ALMS1: variants seen among roughly 807,000 people sequenced by gnomAD.
ALMS1 encodes ALMS1 centrosome and basal body associated protein, also known as centrosome-associated protein ALMS1.
Under a neutral mutation model 352.2 loss-of-function variants are expected in ALMS1, and 271 were observed. That is an observed-to-expected ratio of 0.77 (90% CI 0.70 to 0.85). ALMS1 has a LOEUF of 0.85. ALMS1 is among the 40% of genes least tolerant of loss of function. The probability of loss-of-function intolerance (pLI) is 0.00; values close to 1 mark genes in which losing one functional copy is unlikely to be tolerated. For synonymous variants in ALMS1, 1,865 were observed against 1,761.2 expected, an observed-to-expected ratio of 1.06 and a Z score of -1.48; for missense variants, 5,445 against 4,870.7, an observed-to-expected ratio of 1.12 and a Z score of -3.51.
chr2:73,590,986 C>CT (rs1030289518), intron 16 of ALMS1, among the ~76,000 whole-genome samples: 3 of 151,328 alleles, frequency 2.0e-5, no homozygotes, highest in Non-Finnish European at 4.4e-5. Context: ...CCTTTTTTTT[C>CT]TTTTTTAGAG....
chr2:73,575,651 G>A (rs572262507), intron 16 of ALMS1, among the ~76,000 whole-genome samples: 24 of 152,034 alleles, frequency 1.6e-4, no homozygotes, highest in African/African-American at 5.1e-4. Flanking sequence ...AAGTCATTTG[G>A]CCATTTTAAA....
chr2:73,595,456 G>A (rs768150784), intron 16 of ALMS1, among the ~76,000 whole-genome samples: 24 of 152,142 alleles, frequency 1.6e-4, no homozygotes, highest in African/African-American at 5.6e-4. Context: ...AGGTTCATCC[G>A]TGCTGTAGTA....
intron 7 of ALMS1, among the ~76,000 whole-genome samples, chr2:73,433,951 CCT>C (rs1388144909): frequency 2.0e-5 from 3 of 150,550 alleles, no homozygotes; most frequent in Non-Finnish European, 4.4e-5. Flanking sequence ...GTTACAATGC[CCT>C]CTCTTTCATT....
At chr2:73,512,276 G>A (rs969422943) in intron 10 of ALMS1, among the ~76,000 whole-genome samples, 3 of 152,000 alleles carry the variant, frequency 2.0e-5, no homozygotes, top group African/African-American at 7.2e-5. Flanking sequence ...GTAGAGATGG[G>A]GTTTCACCAT....
chr2:73,448,518 T>C lies in ALMS1; in HGVS notation c.1991T>C (p.Val664Ala). ...GAGCAGAAGACGGGAATACCTACAG[T>C]ATCCTCTACATCCCACTCACATGTA... is the stretch of plus-strand genomic sequence containing the variant. ...PVEQKTGIPTVSSTSHSHVED... is the reference protein window; with the variant it reads ...PVEQKTGIPTASSTSHSHVED... Residue 664 changes from valine (V) to alanine (A), a missense_variant, in exon 8 of 23, where the codon GTA (valine) becomes GCA (alanine). Physicochemically the swap from Val to Ala is moderately conservative, Grantham distance 64. Coordinates refer to ENST00000613296, the MANE Select transcript of ALMS1 (RefSeq NM_001378454.1). 6.2e-7 allele frequency: 1 copy of C among 1,613,892 alleles called. No homozygotes were observed.
At chr2:73,441,555 C>T (rs949456353) in intron 7 of ALMS1, among the ~76,000 whole-genome samples, 23 of 152,174 alleles carry the variant, frequency 1.5e-4, no homozygotes, top group Admixed American at 4.6e-4. Flanking sequence ...GGCCCACAGA[C>T]AGCAGGCTTT....
At chr2:73,587,485 A>T (rs1395403286) in intron 16 of ALMS1, among the ~76,000 whole-genome samples, 2 of 152,104 alleles carry the variant, frequency 1.3e-5, no homozygotes, top group Admixed American at 1.3e-4. Context: ...TTTAATTATA[A>T]AGTGATGCTG....
At chr2:73,568,995 C>CTTTCTTTTTTT in intron 15 of ALMS1, among the ~76,000 whole-genome samples, 1 of 53,556 alleles carries the variant, frequency 1.9e-5, no homozygotes, top group South Asian at 7.0e-4. Context: ...GCTTCTGCTT[C>CTTTCTTTTTTT]TTTTTTTTTT....
intron 10 of ALMS1, among the ~76,000 whole-genome samples, chr2:73,519,329 T>G (rs934813396): frequency 2.0e-5 from 3 of 152,208 alleles, no homozygotes; most frequent in Admixed American, 1.3e-4. Context: ...GTTTTAATAT[T>G]AATTCCCTAT....
intron 12 of ALMS1, among the ~76,000 whole-genome samples, chr2:73,541,233 C>T (rs1385905512): frequency 1.3e-5 from 2 of 152,190 alleles, no homozygotes; most frequent in Admixed American, 6.5e-5. Context: ...CAGAACCGCT[C>T]GACTACATGG....
chr2:73,391,286 G>A (rs868845482), intron 1 of ALMS1, among the ~76,000 whole-genome samples: 24 of 112,384 alleles, frequency 2.1e-4, no homozygotes, highest in African/African-American at 1.3e-3. Flanking sequence ...ATTCATATAC[G>A]TTTTATTCTT....
intron 9 of ALMS1, among the ~76,000 whole-genome samples, chr2:73,464,658 C>T (rs896864987): frequency 2.4e-4 from 37 of 152,188 alleles, no homozygotes; most frequent in Non-Finnish European, 4.4e-4. Flanking sequence ...CTCAAATTGT[C>T]CCTGTTTGCA....
rs747436819 is a variant in ALMS1, at chr2:73,568,995, C to CTTTTTTTTTTTTTTTTTTTTTT, written c.10385-3251_10385-3230dup. ...AGCTTGCTTGCTGCTGCTTCTGCTT[C>CTTTTTTTTTTTTTTTTTTTTTT]TTTTTTTTTTTTTTTTTTTTTTTTT... On this transcript the variant is annotated intron_variant, in intron 15 of 22. Transcript: ENST00000613296. Among the ~76,000 whole-genome samples the CTTTTTTTTTTTTTTTTTTTTTT allele has an allele frequency of 1.5e-4, 8 of 53,556 alleles. 2 individuals are homozygous for CTTTTTTTTTTTTTTTTTTTTTT. The highest frequency in any genetic ancestry group is 2.4e-4 in the Non-Finnish European group (7 of 29,534). The allele number at this position is 53,556 out of a possible 152,430, so 35.1% of individuals were successfully genotyped here.
chr2:73,599,258 G>T (rs1375374062), intron 16 of ALMS1, 143 bp from the exon 17 acceptor site: 1 of 1,068,226 alleles, frequency 9.4e-7, no homozygotes, highest in Non-Finnish European at 1.4e-6. Context: ...AAGGCAGCAA[G>T]TTCACAGTAT....
intron 5 of ALMS1, among the ~76,000 whole-genome samples, chr2:73,425,589 G>A (rs1458365932): frequency 6.6e-6 from 1 of 152,066 alleles, no homozygotes; most frequent in Non-Finnish European, 1.5e-5. Flanking sequence ...AGCCTTTGAG[G>A]CAGTTATTGC....
At chr2:73,563,736 AAAAATAAAAAT>A (rs1431132424) in intron 15 of ALMS1, among the ~76,000 whole-genome samples, 2,715 of 133,102 alleles carry the variant, frequency 0.02, 277 homozygotes, top group African/African-American at 0.074. Context: ...AAAAAAAAAA[AAAAATAAAAAT>A]AAAAAATGAA....
intron 1 of ALMS1, among the ~76,000 whole-genome samples, chr2:73,402,270 CTTTTTTTT>C (rs61360284): frequency 2.4e-5 from 3 of 122,832 alleles, no homozygotes; most frequent in African/African-American, 6.2e-5. Flanking sequence ...TTCTCTCTCT[CTTTTTTTT>C]TTTTTTTTTT....
upstream of ALMS1, chr2:73,385,776 C>T (rs1670500716): frequency 1.6e-5 from 10 of 611,746 alleles, no homozygotes; most frequent in South Asian, 1.2e-4. Context: ...GGCACTGCGC[C>T]TAAGCTGGGC....
rs1671865971 is a variant in ALMS1, at chr2:73,448,867, C to T, written c.2340C>T (p.Asp780=). The stretch of plus-strand genomic sequence containing the variant: ...TTTTGTACCCACAGGACTTAGCAGA[C>T]AGTCATCTACCTGAAGAGGGTCTGA... ...PSILYPQDLA[D]SHLPEEGLKV... The change falls in exon 8 of 23, where the codon GAC becomes GAT. Residue 780 remains aspartate, a synonymous_variant. Transcript: ENST00000613296. The T allele has an allele frequency of 1.2e-6, 2 of 1,613,718 alleles. No individual in the cohort carries two copies. The highest frequency in any genetic ancestry group is 1.7e-6 in the Non-Finnish European group (2 of 1,179,924).
Sources: allele counts gnomAD v4.1 joint callset (sites outside exome capture counted in the v4.1 genomes callset), GRCh38; gene constraint gnomAD v4.1.1; transcripts MANE v1.5; gene names NCBI Gene and HGNC (gene_info 2026-07-23, HGNC 2026-07-21).